DTNB: variants seen among roughly 807,000 people sequenced by gnomAD.
DTNB encodes the protein DTN-B.
DTNB carries 63 observed loss-of-function variants against 90.7 expected under a neutral mutation model. The observed-to-expected ratio is 0.69, with a 90% confidence interval of 0.57 to 0.86. The LOEUF (loss-of-function observed/expected upper bound fraction) is 0.86, where lower values mean the gene tolerates loss of function less well. Ranked by LOEUF, DTNB falls within the 40% of genes least tolerant of loss-of-function variation. The pLI, the probability that DTNB is intolerant of heterozygous loss-of-function variation, is 0.00. For synonymous variants in DTNB, 277 were observed against 286.7 expected, an observed-to-expected ratio of 0.97 and a Z score of 0.34; for missense variants, 744 against 807.1, an observed-to-expected ratio of 0.92 and a Z score of 0.95.
At chr2:25,530,480 A>C (rs1030464012) in intron 9 of DTNB, among the ~76,000 whole-genome samples, 12 of 152,160 alleles carry the variant, frequency 7.9e-5, no homozygotes, top group Non-Finnish European at 4.4e-5. Context: ...ATAAGTCAAG[A>C]AATGGTGCTC....
intron 10 of DTNB, among the ~76,000 whole-genome samples, chr2:25,466,683 G>C (rs1478354626): frequency 6.6e-6 from 1 of 152,206 alleles, no homozygotes; most frequent in Non-Finnish European, 1.5e-5. Flanking sequence ...CAGAAGTTTA[G>C]ATTGAATTTC....
In DTNB at chr2:25,548,493, A is replaced by T. The variant is rs1024887927; in HGVS notation, c.877-16896T>A. On this transcript the variant is annotated intron_variant, in intron 8 of 20. Coordinates refer to ENST00000406818, the MANE Select transcript of DTNB (RefSeq NM_021907.5). ...GAGGCTTCTTCCTAAGAACAGAAGG[A>T]GGTGAGGGAGGGAAGCACATGGACA... 5.9e-5 allele frequency among the ~76,000 whole-genome samples: 9 copies of T among 151,484 alleles called. No homozygotes were observed. In the South Asian group the frequency reaches 1.0e-3, roughly 18 times the overall value.
chr2:25,403,530 GCATACTAGAAA>G (rs1429047247), intron 16 of DTNB, among the ~76,000 whole-genome samples: 1 of 152,174 alleles, frequency 6.6e-6, no homozygotes, highest in East Asian at 1.9e-4. Flanking sequence ...CACTCAGATA[GCATACTAGAAA>G]CAGAAACTAG....
intron 8 of DTNB, among the ~76,000 whole-genome samples, chr2:25,534,552 G>A (rs556890064): frequency 5.3e-5 from 8 of 152,164 alleles, no homozygotes; most frequent in African/African-American, 1.2e-4. Context: ...CAGATGGGGC[G>A]GCCTGGCAGA....
At chr2:25,457,348 G>T (rs1437149416) in intron 10 of DTNB, among the ~76,000 whole-genome samples, 1 of 152,070 alleles carries the variant, frequency 6.6e-6, no homozygotes, top group Non-Finnish European at 1.5e-5. Context: ...CCCAGACTTG[G>T]AATGAACCAT....
At chr2:25,432,715 A>G in intron 14 of DTNB, among the ~76,000 whole-genome samples, 171 bp downstream of exon 14, 1 of 152,210 alleles carries the variant, frequency 6.6e-6, no homozygotes, top group Non-Finnish European at 1.5e-5. Flanking sequence ...GTGATCTCTA[A>G]TGGAACCCAG....
chr2:25,391,808 T>C (rs1207577822), intron 16 of DTNB, among the ~76,000 whole-genome samples: 1 of 152,190 alleles, frequency 6.6e-6, no homozygotes, highest in East Asian at 1.9e-4. Flanking sequence ...TTAAATAATC[T>C]GCTCCTGAAT....
At position 25,577,156 on chromosome 2, in the gene DTNB, C is replaced by T. The variant is rs1365832273; in HGVS notation, c.710-152G>A. 2.0e-5 allele frequency among the ~76,000 whole-genome samples: 3 copies of T among 152,014 alleles called. No individual in the cohort carries two copies. In the East Asian group the frequency reaches 5.8e-4, roughly 29 times the overall value. Reference sequence around the variant, plus strand: ...ACAAAGGTAAAAATAAAAGTAGAGCCGGATGCGGTGGCTTGCCCTTGTAAT... The same window carrying T: ...ACAAAGGTAAAAATAAAAGTAGAGCTGGATGCGGTGGCTTGCCCTTGTAAT... On this transcript the variant is annotated intron_variant, in intron 7 of 20. Transcript: ENST00000406818.
chr2:25,429,707 C>A (rs905099620), intron 14 of DTNB, among the ~76,000 whole-genome samples: 1 of 152,184 alleles, frequency 6.6e-6, no homozygotes, highest in African/African-American at 2.4e-5. Flanking sequence ...ATCATGCATC[C>A]AGTATCACCT....
At chr2:25,503,711 G>A (rs1302233253) in intron 9 of DTNB, among the ~76,000 whole-genome samples, 10 of 150,452 alleles carry the variant, frequency 6.6e-5, no homozygotes, top group East Asian at 2.0e-4. Context: ...TCAGGAGATC[G>A]AGACCATCCT....
At chr2:25,650,915 G>A (rs2080781727) in intron 2 of DTNB, among the ~76,000 whole-genome samples, 1 of 151,940 alleles carries the variant, frequency 6.6e-6, no homozygotes, top group African/African-American at 2.4e-5. Flanking sequence ...CAGCCGAGAT[G>A]GCGCCACTGC....
chr2:25,621,891 T>C (rs1347359240), intron 4 of DTNB, among the ~76,000 whole-genome samples: 3 of 152,128 alleles, frequency 2.0e-5, no homozygotes, highest in African/African-American at 4.8e-5. Context: ...AGCAAGAATG[T>C]TTTCTACTGA....
intron 1 of DTNB, among the ~76,000 whole-genome samples, chr2:25,670,508 T>C (rs1483074420): frequency 6.6e-6 from 1 of 152,210 alleles, no homozygotes; most frequent in Non-Finnish European, 1.5e-5. Context: ...TCTGTACTGT[T>C]TGAGTATCTG....
chr2:25,406,953 G>A (rs1473037859), intron 16 of DTNB, among the ~76,000 whole-genome samples: 1 of 152,110 alleles, frequency 6.6e-6, no homozygotes, highest in East Asian at 1.9e-4. Context: ...AAAAATTGGA[G>A]TTGAAATTTC....
At chr2:25,624,174 G>C (rs2073547107) in intron 4 of DTNB, among the ~76,000 whole-genome samples, 1 of 152,178 alleles carries the variant, frequency 6.6e-6, no homozygotes, top group Non-Finnish European at 1.5e-5. Context: ...CCTATGACCT[G>C]GAAGCTCCCT....
At chr2:25,428,625 G>A (rs954882883) in intron 14 of DTNB, among the ~76,000 whole-genome samples, 1 of 152,074 alleles carries the variant, frequency 6.6e-6, no homozygotes, top group Admixed American at 6.6e-5. Context: ...TAGAGATGGA[G>A]TTTCACCATG....
intron 9 of DTNB, among the ~76,000 whole-genome samples, chr2:25,491,320 C>A (rs2067418912): frequency 6.6e-6 from 1 of 152,178 alleles, no homozygotes; most frequent in South Asian, 2.1e-4. Flanking sequence ...ACCACCACCA[C>A]TCCTCAAAAA....
chr2:25,528,501 C>T (rs549046351), intron 9 of DTNB, among the ~76,000 whole-genome samples: 5 of 151,784 alleles, frequency 3.3e-5, no homozygotes, highest in Non-Finnish European at 4.4e-5. Context: ...CATTATTTGC[C>T]GATTATATAA....
rs141686488 is a variant in DTNB, at chr2:25,655,092, T to C, written c.-1-2431A>G. Among the ~76,000 whole-genome samples, 282 of 152,340 alleles carry C rather than the reference T, an allele frequency of 1.9e-3. 2 individuals are homozygous for C. Among genetic ancestry groups the C allele is most frequent in the Non-Finnish European group, 2.5e-3 (168 of 68,036 alleles). On this transcript the variant is annotated intron_variant, in intron 1 of 20. Transcript: ENST00000406818. ...CGCTAAGGTCTAACTGTCCAGTTTC[T>C]AGTTGCCAGCATCTGCATTTCTTTG...
Sources: gnomAD v4.1 joint callset for allele counts (sites outside exome capture counted in the v4.1 genomes callset) on GRCh38, gnomAD v4.1.1 for gene constraint, MANE v1.5 for transcripts, NCBI Gene and HGNC (gene_info 2026-07-23, HGNC 2026-07-21) for gene names.